The following ZNF385B variants were observed in gnomAD, a reference collection of about 807,000 sequenced individuals.
The protein encoded by ZNF385B is zinc finger protein 533.
Under a neutral mutation model 39.2 loss-of-function variants are expected in ZNF385B, and 23 were observed. The ratio of observed to expected loss-of-function variants is 0.59; its 90% CI spans 0.42 to 0.83. The LOEUF is 0.83. Ranked by LOEUF, ZNF385B falls within the 40% of genes least tolerant of loss-of-function variation. The probability of loss-of-function intolerance (pLI) is 0.00; values close to 1 mark genes in which losing one functional copy is unlikely to be tolerated. For missense variants in ZNF385B, 552 were observed against 598.9 expected, an observed-to-expected ratio of 0.92 and a Z score of 0.82; for synonymous variants, 205 against 222.6, an observed-to-expected ratio of 0.92 and a Z score of 0.70.
At chr2:179,852,086 G>T (rs1684217184) in intron 1 of ZNF385B, among the ~76,000 whole-genome samples, 2 of 152,312 alleles carry the variant, frequency 1.3e-5, no homozygotes, top group South Asian at 4.1e-4. Flanking sequence ...GAAAGAGGAG[G>T]TCTCTGCCAG....
intron 3 of ZNF385B, among the ~76,000 whole-genome samples, chr2:179,572,454 T>C (rs1365923768): frequency 6.6e-6 from 1 of 151,948 alleles, no homozygotes; most frequent in Non-Finnish European, 1.5e-5. Flanking sequence ...GAGAGGCTGA[T>C]AGAGCTAAGA....
At chr2:179,655,804 AT>A (rs1693696137) in intron 3 of ZNF385B, among the ~76,000 whole-genome samples, 1 of 152,218 alleles carries the variant, frequency 6.6e-6, no homozygotes. Context: ...AGGGAATAAC[AT>A]TCGAGGCAAA....
At chr2:179,663,645 G>A (rs1350331172) in intron 3 of ZNF385B, among the ~76,000 whole-genome samples, 3 of 143,948 alleles carry the variant, frequency 2.1e-5, no homozygotes, top group Non-Finnish European at 4.5e-5. Flanking sequence ...GGGAGGCGGA[G>A]CTTGCAGTGA....
chr2:179,547,977 T>C (rs1226968505), intron 3 of ZNF385B, among the ~76,000 whole-genome samples: 3 of 149,722 alleles, frequency 2.0e-5, no homozygotes. Flanking sequence ...TTAATTTTAG[T>C]TATAGCTATT....
intron 5 of ZNF385B, among the ~76,000 whole-genome samples, chr2:179,500,961 C>G (rs188116210): frequency 6.6e-6 from 1 of 152,146 alleles, no homozygotes; most frequent in East Asian, 1.9e-4. Flanking sequence ...TAAAAGAAGA[C>G]TTACAAATGG....
At chr2:179,787,730 C>A (rs1332971059) in intron 1 of ZNF385B, among the ~76,000 whole-genome samples, 3 of 152,142 alleles carry the variant, frequency 2.0e-5, no homozygotes, top group Non-Finnish European at 2.9e-5. Flanking sequence ...CAGAACAGGG[C>A]TGTCCAGTTT....
chr2:179,573,171 A>G (rs376602390), intron 3 of ZNF385B, among the ~76,000 whole-genome samples: 10 of 152,306 alleles, frequency 6.6e-5, no homozygotes, highest in African/African-American at 2.4e-4. Flanking sequence ...GCGAATTCAT[A>G]TCTTCTGTAA....
chr2:179,751,140 C>T (rs896063357), intron 3 of ZNF385B, among the ~76,000 whole-genome samples: 2 of 151,844 alleles, frequency 1.3e-5, no homozygotes, highest in Non-Finnish European at 2.9e-5. Context: ...AAAGAAAGAT[C>T]TCTCCTGCTC....
rs200082902 is a variant in ZNF385B at position 179,762,729 on chromosome 2, CTCT to C, written c.298+6771_298+6773del. On this transcript the variant is annotated intron_variant, in intron 3 of 9. Transcript: ENST00000410066. ...CATAAAATAAGTTGGGCAGTGTTTCCTCTTCTTCTATTTTCTGAAAGCAACTGT... is the reference window on the plus strand; with the variant it reads ...CATAAAATAAGTTGGGCAGTGTTTCCTCTTCTATTTTCTGAAAGCAACTGT... 6.4e-3 allele frequency among the ~76,000 whole-genome samples: 978 copies of C among 152,124 alleles called. 13 individuals carry two copies. Among genetic ancestry groups the C allele is most frequent in the African/African-American group, 0.023 (938 of 41,500 alleles).
At chr2:179,502,036 G>A (rs1311648774) in intron 5 of ZNF385B, among the ~76,000 whole-genome samples, 2 of 152,112 alleles carry the variant, frequency 1.3e-5, no homozygotes, top group Non-Finnish European at 2.9e-5. Flanking sequence ...ATTGGCATTA[G>A]ATCCTGACTG....
intron 4 of ZNF385B, among the ~76,000 whole-genome samples, chr2:179,524,630 A>G (rs1216939610): frequency 2.0e-5 from 3 of 150,524 alleles, no homozygotes; most frequent in Admixed American, 6.6e-5. Context: ...TAGAGGTCCA[A>G]TATGTTTTAG....
At position 179,706,855 on chromosome 2, in the gene ZNF385B, C is replaced by A. The variant is rs181387871; in HGVS notation, c.298+62648G>T. Among the ~76,000 whole-genome samples the A allele has an allele frequency of 1.6e-4, 25 of 152,292 alleles. 1 individual carries two copies. In the East Asian group the frequency reaches 4.2e-3, roughly 26 times the overall value. On this transcript the variant is annotated intron_variant, in intron 3 of 9. Coordinates refer to ENST00000410066, the MANE Select transcript of ZNF385B (RefSeq NM_152520.6). ...TTAGCTCAGGCTGAAACATCAGAGA[C>A]CTTGCTGTCTCACCTATGGACACGG...
At chr2:179,647,952 G>A (rs1186770141) in intron 3 of ZNF385B, among the ~76,000 whole-genome samples, 1 of 152,148 alleles carries the variant, frequency 6.6e-6, no homozygotes, top group African/African-American at 2.4e-5. Flanking sequence ...CTTCACCATG[G>A]GGGTGGGGGA....
Position 179,696,689 on chromosome 2 carries a change from G to A in ZNF385B, c.298+72814C>T, listed in dbSNP as rs76658686. ...TAGAGTACACACAAATCCAGGTTTG[G>A]TTTTAATAAACTTTTCAAGAACTTT... On this transcript the variant is annotated intron_variant, in intron 3 of 9. Transcript: ENST00000410066. 8.1e-3 allele frequency among the ~76,000 whole-genome samples: 1,233 copies of A among 152,018 alleles called. 18 individuals carry two copies. The highest frequency in any genetic ancestry group is 0.029 in the African/African-American group (1,187 of 41,432).
intron 1 of ZNF385B, among the ~76,000 whole-genome samples, chr2:179,792,252 C>A (rs1300650753): frequency 6.6e-6 from 1 of 151,966 alleles, no homozygotes; most frequent in Non-Finnish European, 1.5e-5. Flanking sequence ...GAGGGACCCC[C>A]ACAACTCTAA....
chr2:179,657,735 A>C (rs918594132), intron 3 of ZNF385B, among the ~76,000 whole-genome samples: 1 of 152,264 alleles, frequency 6.6e-6, no homozygotes, highest in Non-Finnish European at 1.5e-5. Flanking sequence ...TAATTTAGTA[A>C]GACAACAATA....
At chr2:179,710,243 G>A (rs1259071429) in intron 3 of ZNF385B, among the ~76,000 whole-genome samples, 2 of 152,074 alleles carry the variant, frequency 1.3e-5, no homozygotes, top group African/African-American at 4.8e-5. Flanking sequence ...GCCACCCTTG[G>A]GATCCAGGTA....
In ZNF385B at chr2:179,461,048, G is replaced by C. The variant is rs141748439; in HGVS notation, c.716-14278C>G. Reference sequence around the variant, plus strand: ...GAAATAATAGGAGTTCTGGGAGAAAGAGTGTTCCAGGAAGAAAGCATAGTA... The same window carrying C: ...GAAATAATAGGAGTTCTGGGAGAAACAGTGTTCCAGGAAGAAAGCATAGTA... On this transcript the variant is annotated intron_variant, in intron 6 of 9. Coordinates refer to ENST00000410066, the MANE Select transcript of ZNF385B (RefSeq NM_152520.6). Among the ~76,000 whole-genome samples, 21 of 152,308 alleles carry C rather than the reference G, an allele frequency of 1.4e-4. No homozygotes were observed. In the South Asian group the frequency reaches 2.1e-3, roughly 15 times the overall value.
intron 3 of ZNF385B, among the ~76,000 whole-genome samples, chr2:179,655,880 A>G (rs1485146653): frequency 6.6e-6 from 1 of 152,200 alleles, no homozygotes; most frequent in Non-Finnish European, 1.5e-5. Flanking sequence ...GGAATAAAAC[A>G]ATTACTTTAC....
Sources: gnomAD v4.1 joint callset for allele counts (sites outside exome capture counted in the v4.1 genomes callset) on GRCh38, gnomAD v4.1.1 for gene constraint, MANE v1.5 for transcripts, NCBI Gene and HGNC (gene_info 2026-07-23, HGNC 2026-07-21) for gene names.